The following KAT6A variants were observed in gnomAD, a reference collection of about 807,000 sequenced individuals.
KAT6A encodes the protein histone acetyltransferase KAT6A.
Under a neutral mutation model 198.4 loss-of-function variants are expected in KAT6A, and 9 were observed. The ratio of observed to expected loss-of-function variants is 0.05; its 90% confidence interval spans 0.03 to 0.08. The LOEUF (loss-of-function observed/expected upper bound fraction) is 0.08. KAT6A is among the 10% of genes least tolerant of loss of function. KAT6A has a pLI of 1.00. For missense variants in KAT6A, 2,077 were observed against 2,509.9 expected (o/e 0.83, Z 3.69); for synonymous variants, 890 against 883.0 (o/e 1.01, Z -0.14).
In KAT6A at chr8:41,981,691, A is replaced by C. The variant is rs182553448; in HGVS notation, c.825+148T>G. On this transcript the variant is annotated intron_variant, in intron 4 of 16. Transcript: ENST00000265713. ...CTAAATTAGCAAGCATTCTAAACTA[A>C]TGACATGTAGTTTAAAGAGACTACC... 1.5e-4 allele frequency: 88 copies of C among 597,690 alleles called. 1 individual carries two copies. The highest frequency in any genetic ancestry group is 1.3e-3 in the Admixed American group (50 of 37,048). 37.0% of individuals were successfully genotyped at this position (597,690 alleles called of 1,614,324 possible). A position where few individuals can be genotyped will look rare whatever the true frequency, so the allele number is the denominator to read the frequency against.
At chr8:41,997,885 C>T (rs554984750) in intron 2 of KAT6A, among the ~76,000 whole-genome samples, 122 of 152,216 alleles carry the variant, frequency 8.0e-4, no homozygotes, top group South Asian at 4.4e-3. Context: ...CATCTACTGA[C>T]AAGCACTCTA....
At chr8:42,013,988 A>G (rs1826144834) in intron 2 of KAT6A, among the ~76,000 whole-genome samples, 1 of 152,254 alleles carries the variant, frequency 6.6e-6, no homozygotes, top group Admixed American at 6.5e-5. Flanking sequence ...GAAGCCTTGG[A>G]CAACACAGAA....
chr8:42,030,715 C>T (rs547529751), intron 2 of KAT6A, among the ~76,000 whole-genome samples: 11 of 151,872 alleles, frequency 7.2e-5, no homozygotes, highest in Non-Finnish European at 1.6e-4. Flanking sequence ...CAGAAGCCTG[C>T]CACCACACCT....
At chr8:41,946,483 T>A (rs972874976) in intron 12 of KAT6A, 108 bp downstream of exon 12, 10 of 310,334 alleles carry the variant, frequency 3.2e-5, no homozygotes, top group East Asian at 1.4e-4. Flanking sequence ...AATCTTTAAA[T>A]ATATATATAT....
intron 2 of KAT6A, among the ~76,000 whole-genome samples, chr8:42,046,484 C>G (rs1257101709): frequency 6.6e-6 from 1 of 152,092 alleles, no homozygotes; most frequent in African/African-American, 2.4e-5. Context: ...TGCAGTGAGA[C>G]TGCACCACTG....
intron 2 of KAT6A, among the ~76,000 whole-genome samples, chr8:42,026,845 T>C (rs926951234): frequency 6.6e-6 from 1 of 152,200 alleles, no homozygotes; most frequent in Non-Finnish European, 1.5e-5. Flanking sequence ...CTTATTCCAA[T>C]TCTTAGAGAA....
At chr8:42,037,963 T>C (rs529461116) in intron 2 of KAT6A, among the ~76,000 whole-genome samples, 1 of 152,306 alleles carries the variant, frequency 6.6e-6, no homozygotes, top group South Asian at 2.1e-4. Flanking sequence ...CAAGTAACAT[T>C]ACAAATCTCT....
chr8:41,991,812 T>G (rs1824960884), intron 2 of KAT6A, among the ~76,000 whole-genome samples: 1 of 150,906 alleles, frequency 6.6e-6, no homozygotes. Flanking sequence ...GGGTAGAAAG[T>G]AAGGAGAGGG....
intron 8 of KAT6A, among the ~76,000 whole-genome samples, chr8:41,960,644 T>TA (rs1823162483): frequency 6.6e-6 from 1 of 152,118 alleles, no homozygotes; most frequent in African/African-American, 2.4e-5. Context: ...TCCCTTTTCC[T>TA]AAGCCTTTTT....
Position 42,048,175 on chromosome 8 carries a change from T to C in KAT6A, c.600+203A>G, listed in dbSNP as rs186859570. Among the ~76,000 whole-genome samples, 116 of 152,276 alleles carry C rather than the reference T, an allele frequency of 7.6e-4. 3 individuals are homozygous for C. The highest frequency in any genetic ancestry group is 7.6e-3 in the Admixed American group (116 of 15,288). On this transcript the variant is annotated intron_variant, in intron 2 of 16. Transcript: ENST00000265713. Reference sequence around the variant, plus strand: ...TTTAGTCAGATTAACATTCTACATTTTTAATCTTAGGCTTCAAATATTTCA... The same window carrying C: ...TTTAGTCAGATTAACATTCTACATTCTTAATCTTAGGCTTCAAATATTTCA...
In KAT6A at chr8:41,932,700, A is replaced by C; in HGVS notation, c.5520T>G (p.Pro1840=). Residue 1840 remains proline (P), a synonymous_variant, in exon 17 of 17, where the codon CCT becomes CCG. Coordinates refer to ENST00000265713, the MANE Select transcript of KAT6A (RefSeq NM_006766.5). ...TTTGCCCTTGCAATCTCTGCGTGTG[A>C]GGAATGCCAATGTTGGTGGCAGACA... is the stretch of plus-strand genomic sequence containing the variant. The part of the protein sequence containing the change: ...CNMSATNIGI[P]HTQRLQGQMP... 1 of 1,614,250 alleles carries C rather than the reference A, an allele frequency of 6.2e-7. No homozygotes were observed. Among genetic ancestry groups the C allele is most frequent in the Non-Finnish European group, 8.5e-7 (1 of 1,180,046 alleles).
At chr8:42,026,544 G>A (rs1826823315) in intron 2 of KAT6A, among the ~76,000 whole-genome samples, 2 of 152,016 alleles carry the variant, frequency 1.3e-5, no homozygotes, top group South Asian at 4.1e-4. Flanking sequence ...TTGTAAGTGG[G>A]ATTGCTTTAT....
intron 3 of KAT6A, among the ~76,000 whole-genome samples, chr8:41,983,705 C>T (rs1438014552): frequency 6.6e-6 from 1 of 152,100 alleles, no homozygotes; most frequent in Non-Finnish European, 1.5e-5. Context: ...TATGCACTGC[C>T]AAAACATTTT....
At chr8:41,977,507 C>T (rs143119525) in intron 6 of KAT6A, 180 bp from the exon 7 acceptor site, 1 of 490,768 alleles carries the variant, frequency 2.0e-6, no homozygotes, top group African/African-American at 1.9e-5. Flanking sequence ...TTATTAGAAA[C>T]ATCTATTGCC....
chr8:42,039,999 G>A (rs1240931065), intron 2 of KAT6A, among the ~76,000 whole-genome samples: 3 of 151,486 alleles, frequency 2.0e-5, no homozygotes, highest in Admixed American at 1.3e-4. Flanking sequence ...CGCCTGCCTC[G>A]GCTTCCCAAA....
In KAT6A at chr8:41,931,818, G is replaced by A. The variant is rs1227453237; in HGVS notation, c.*387C>T. 1 of 216,128 alleles carries A rather than the reference G, an allele frequency of 4.6e-6. No homozygotes were observed. The highest frequency in any genetic ancestry group is 9.3e-6 in the Non-Finnish European group (1 of 107,256). 13.4% of individuals were successfully genotyped at this position (216,128 alleles called of 1,614,324 possible). On this transcript the variant is annotated 3_prime_UTR_variant, in exon 17 of 17. Coordinates refer to ENST00000265713, the MANE Select transcript of KAT6A (RefSeq NM_006766.5). The stretch of plus-strand genomic sequence containing the variant: ...TAACATTTAAAAATGACAACATTGG[G>A]AGCTGCAAACAGTGAGGGGAAACAT...
In KAT6A at chr8:41,987,503, C is replaced by T. The variant is rs774910975; in HGVS notation, c.661G>A (p.Glu221Lys). Residue 221 changes from glutamate to lysine, a missense_variant, in exon 3 of 17, where the codon GAA (glutamate) becomes AAA (lysine). Around this residue, in one of 13 missense-constraint regions of KAT6A, gnomAD observed 89 missense variants for 154.4 expected, o/e 0.58. Coordinates refer to ENST00000265713, the MANE Select transcript of KAT6A (RefSeq NM_006766.5). ...FCLGTKEQNR[E>K]KKPEELISCA... Reference sequence around the variant, plus strand: ...GAGATGAGTTCCTCTGGCTTCTTTTCTCGGTTTTGTTCTTTTGTACCAAGA... The same window carrying T: ...GAGATGAGTTCCTCTGGCTTCTTTTTTCGGTTTTGTTCTTTTGTACCAAGA... 8 of 1,613,668 alleles carry T rather than the reference C, an allele frequency of 5.0e-6. No individual in the cohort carries two copies. Among genetic ancestry groups the T allele is most frequent in the Admixed American group, 3.3e-5 (2 of 60,000 alleles).
intron 11 of KAT6A, 86 bp downstream of exon 11, chr8:41,947,665 T>A: frequency 9.1e-7 from 1 of 1,103,716 alleles, no homozygotes; most frequent in East Asian, 2.5e-5. Context: ...AGGTGCTGCA[T>A]CTTGTTGTGT....
At chr8:42,016,605 T>G (rs1459646550) in intron 2 of KAT6A, among the ~76,000 whole-genome samples, 48 of 152,072 alleles carry the variant, frequency 3.2e-4, no homozygotes, top group Non-Finnish European at 7.4e-5. Context: ...ATCCATAAAA[T>G]AAGGGTCAAA....
Sources: allele counts gnomAD v4.1 joint callset (sites outside exome capture counted in the v4.1 genomes callset), GRCh38; gene constraint gnomAD v4.1.1; regional missense constraint gnomAD v4.1.1; transcripts MANE v1.5; gene names NCBI Gene and HGNC (gene_info 2026-07-23, HGNC 2026-07-21).